Variants in ZCCHC14 observed in about 807,000 individuals in gnomAD.
ZCCHC14 encodes the protein zinc finger CCHC domain-containing protein 14.
Under a neutral mutation model 85.0 loss-of-function variants are expected in ZCCHC14, and 16 were observed. The observed-to-expected ratio is 0.19, with a 90% confidence interval of 0.13 to 0.29. ZCCHC14 has a LOEUF of 0.29. ZCCHC14 is among the 10% of genes least tolerant of loss of function. The pLI is 1.00. For synonymous variants in ZCCHC14, 775 were observed against 630.7 expected (o/e 1.23, Z -3.43); for missense variants, 1,303 against 1,443.5 (o/e 0.90, Z 1.58).
At chr16:87,488,134 C>T (rs1252854867) in intron 1 of ZCCHC14, among the ~76,000 whole-genome samples, 1 of 152,116 alleles carries the variant, frequency 6.6e-6, no homozygotes, top group Non-Finnish European at 1.5e-5. Context: ...AATTCTCTTT[C>T]AATAAAGCTG....
intron 1 of ZCCHC14, among the ~76,000 whole-genome samples, chr16:87,480,444 T>G (rs1170132873): frequency 6.6e-6 from 1 of 152,094 alleles, no homozygotes; most frequent in Non-Finnish European, 1.5e-5. Flanking sequence ...AGAATACAGA[T>G]GTTAAAATTC....
At chr16:87,461,491 T>C (rs1040098744) in intron 1 of ZCCHC14, among the ~76,000 whole-genome samples, 1 of 152,190 alleles carries the variant, frequency 6.6e-6, no homozygotes, top group Non-Finnish European at 1.5e-5. Context: ...GCATTCACAG[T>C]ATGGGAAAGT....
At chr16:87,437,541 G>A (rs1262497301) in intron 2 of ZCCHC14, among the ~76,000 whole-genome samples, 2 of 152,178 alleles carry the variant, frequency 1.3e-5, no homozygotes, top group South Asian at 2.1e-4. Context: ...GGAGCACTGA[G>A]GCTGGTCAGC....
At chr16:87,438,767 G>T (rs1910050209) in intron 2 of ZCCHC14, among the ~76,000 whole-genome samples, 1 of 151,968 alleles carries the variant, frequency 6.6e-6, no homozygotes, top group South Asian at 2.1e-4. Flanking sequence ...GGCATTCACA[G>T]GAGGCCCGGG....
At chr16:87,449,121 G>A (rs560789817) in intron 2 of ZCCHC14, among the ~76,000 whole-genome samples, 84 of 152,286 alleles carry the variant, frequency 5.5e-4, no homozygotes, top group African/African-American at 1.9e-3. Context: ...GCTGACACCA[G>A]CCAACCCACA....
intron 2 of ZCCHC14, among the ~76,000 whole-genome samples, chr16:87,456,221 T>C (rs1428757872): frequency 6.6e-6 from 1 of 152,200 alleles, no homozygotes; most frequent in Non-Finnish European, 1.5e-5. Flanking sequence ...GGCCACAGAC[T>C]GTGGGCATTT....
chr16:87,409,287 A>G lies in ZCCHC14; in HGVS notation c.*993T>C, dbSNP rs1908332481. The stretch of plus-strand genomic sequence containing the variant: ...TGTCTCAGGTGTGAATCCGCTAGCG[A>G]TAAGCCTCGGGGTTGGAGGTTCTTG... On this transcript the variant is annotated 3_prime_UTR_variant, in exon 13 of 13. Transcript: ENST00000671377. 1 of 152,242 alleles carries G rather than the reference A, an allele frequency of 6.6e-6. No homozygotes were observed. The highest frequency in any genetic ancestry group is 2.4e-5 in the African/African-American group (1 of 41,466). The allele number at this position is 152,242 out of a possible 1,614,324, so 9.4% of individuals were successfully genotyped here. A position where few individuals can be genotyped will look rare whatever the true frequency, so the allele number is the denominator to read the frequency against.
chr16:87,454,180 G>A (rs1248614440), intron 2 of ZCCHC14, among the ~76,000 whole-genome samples: 1 of 152,096 alleles, frequency 6.6e-6, no homozygotes, highest in Non-Finnish European at 1.5e-5. Flanking sequence ...AAGACCAAAG[G>A]TTTCTCATAC....
chr16:87,453,057 G>A (rs73240887), intron 2 of ZCCHC14, among the ~76,000 whole-genome samples: 25,644 of 152,246 alleles, frequency 0.17, 6,032 homozygotes, highest in African/African-American at 0.53. Context: ...GAGGGGAGGC[G>A]AAATAGAGGG....
At position 87,460,018 on chromosome 16, in the gene ZCCHC14, T is replaced by G. The variant is rs778751898; in HGVS notation, c.684A>C (p.Lys228Asn). 5.0e-6 allele frequency: 8 copies of G among 1,614,158 alleles called. No homozygotes were observed. Among genetic ancestry groups the G allele is most frequent in the Non-Finnish European group, 6.8e-6 (8 of 1,180,010 alleles). ...CGTGCGTGCACTCACCTTTGCTGTG[T>G]TTTCCTAAGGGCCTCTTGGGCAGCG... The part of the protein sequence containing the change: ...EESLPKRPLG[K>N]HSKVSVEKID... Residue 228 changes from lysine to asparagine, a missense_variant, in exon 2 of 13, where the codon AAA becomes AAC. Physicochemically the swap from Lys to Asn is moderately conservative, Grantham distance 94. This residue lies in a region of ZCCHC14 where 389 missense variants were observed against 397.8 expected (regional missense o/e 0.98). Transcript: ENST00000671377.
Position 87,407,087 on chromosome 16 carries a change from T to G in ZCCHC14, c.*3193A>C, listed in dbSNP as rs1212106956. 1 of 152,240 alleles carries G rather than the reference T, an allele frequency of 6.6e-6. No individual in the cohort carries two copies. The highest frequency in any genetic ancestry group is 1.5e-5 in the Non-Finnish European group (1 of 68,076). 9.4% of individuals were successfully genotyped at this position (152,240 alleles called of 1,614,324 possible). ...TGCAACCCAGTTCCCATCTGGCAAG[T>G]GCCTAAAGCCCCGCTCAGCCTCTGT... On this transcript the variant is annotated 3_prime_UTR_variant, in exon 13 of 13. Coordinates refer to ENST00000671377, the MANE Select transcript of ZCCHC14 (RefSeq NM_015144.3).
rs376895595 is a variant in ZCCHC14 at position 87,464,831 on chromosome 16, G to A, written c.571-4700C>T. ...TTTTGGTGAAGTTAGTTTGCTCCACGTGACCTATGTTCCACTCAAGTGCTC... is the reference window on the plus strand; with the variant it reads ...TTTTGGTGAAGTTAGTTTGCTCCACATGACCTATGTTCCACTCAAGTGCTC... On this transcript the variant is annotated intron_variant, in intron 1 of 12. Coordinates refer to ENST00000671377, the MANE Select transcript of ZCCHC14 (RefSeq NM_015144.3). Among the ~76,000 whole-genome samples, 140 of 152,244 alleles carry A rather than the reference G, an allele frequency of 9.2e-4. 1 individual carries two copies. Among genetic ancestry groups the A allele is most frequent in the South Asian group, 3.1e-3 (15 of 4,824 alleles).
rs535866298 is a variant in ZCCHC14 at position 87,416,806 on chromosome 16, T to C, written c.1383+654A>G. 3.4e-4 allele frequency among the ~76,000 whole-genome samples: 52 copies of C among 152,284 alleles called. 1 individual carries two copies. The highest frequency in any genetic ancestry group is 1.2e-3 in the African/African-American group (51 of 41,558). ...AATCCTAAACAAAGGGTATTACAAA[T>C]ATACTTACAATTTGGATTTAACTAT... On this transcript the variant is annotated intron_variant, in intron 8 of 12. Coordinates refer to ENST00000671377, the MANE Select transcript of ZCCHC14 (RefSeq NM_015144.3).
intron 3 of ZCCHC14, among the ~76,000 whole-genome samples, chr16:87,425,014 C>CCCACAT (rs755427494): frequency 2.6e-5 from 4 of 152,128 alleles, no homozygotes; most frequent in Non-Finnish European, 4.4e-5. Context: ...CACACCCACA[C>CCCACAT]CCACATCCAT....
intron 1 of ZCCHC14, among the ~76,000 whole-genome samples, chr16:87,487,261 C>T (rs959902155): frequency 7.2e-5 from 11 of 152,306 alleles, no homozygotes; most frequent in African/African-American, 2.4e-4. Flanking sequence ...CCCCACCACA[C>T]TCCTGCACCA....
chr16:87,449,457 C>T (rs1005162150), intron 2 of ZCCHC14, among the ~76,000 whole-genome samples: 1 of 152,090 alleles, frequency 6.6e-6, no homozygotes, highest in Non-Finnish European at 1.5e-5. Context: ...GAGAGAGGAG[C>T]ACTCAGCAAA....
chr16:87,443,608 A>G (rs1243776947), intron 2 of ZCCHC14, among the ~76,000 whole-genome samples: 5 of 152,302 alleles, frequency 3.3e-5, no homozygotes, highest in Middle Eastern at 3.4e-3. Context: ...GTGGTGGTAC[A>G]CACCTGTAGC....
At chr16:87,423,709 C>A in intron 4 of ZCCHC14, 101 bp downstream of exon 4, 4 of 1,365,782 alleles carry the variant, frequency 2.9e-6, no homozygotes, top group South Asian at 1.3e-5. Flanking sequence ...CACGCTCACT[C>A]GCTAGCTGAA....
intron 2 of ZCCHC14, among the ~76,000 whole-genome samples, chr16:87,450,103 G>A (rs771964833): frequency 3.3e-5 from 5 of 152,100 alleles, no homozygotes; most frequent in Non-Finnish European, 5.9e-5. Context: ...CTTCTTCTAG[G>A]TCATATACAA....
Sources: allele counts gnomAD v4.1 joint callset (sites outside exome capture counted in the v4.1 genomes callset), GRCh38; gene constraint gnomAD v4.1.1; regional missense constraint gnomAD v4.1.1; transcripts MANE v1.5; gene names NCBI Gene and HGNC (gene_info 2026-07-23, HGNC 2026-07-21).